RYR3: variants seen among roughly 807,000 people sequenced by gnomAD.
The protein encoded by RYR3 is ryanodine receptor 3, also known as brain ryanodine receptor-calcium release channel.
RYR3 carries 207 observed loss-of-function variants against 584.3 expected under a neutral mutation model. The observed-to-expected ratio is 0.35, with a 90% CI of 0.32 to 0.40. RYR3 has a LOEUF of 0.40. Ranked by LOEUF, RYR3 falls within the 10% of genes least tolerant of loss-of-function variation. The pLI is 1.00. For synonymous variants in RYR3, 2,416 were observed against 2,248.5 expected, an observed-to-expected ratio of 1.07 and a Z score of -2.11; for missense variants, 5,616 against 6,089.2, an observed-to-expected ratio of 0.92 and a Z score of 2.59.
At chr15:33,631,515 A>G (rs1322137768) in intron 23 of RYR3, among the ~76,000 whole-genome samples, 1 of 152,050 alleles carries the variant, frequency 6.6e-6, no homozygotes, top group African/African-American at 2.4e-5. Context: ...TGGACCTCAC[A>G]CTAATATTGT....
intron 3 of RYR3, among the ~76,000 whole-genome samples, chr15:33,514,817 C>T (rs1415123724): frequency 6.6e-6 from 1 of 151,766 alleles, no homozygotes; most frequent in Non-Finnish European, 1.5e-5. Flanking sequence ...CTGGTTAACA[C>T]GGTGAAACCC....
At chr15:33,431,325 T>TG (rs1236731064) in intron 1 of RYR3, among the ~76,000 whole-genome samples, 2 of 152,036 alleles carry the variant, frequency 1.3e-5, no homozygotes, top group African/African-American at 2.4e-5. Context: ...ATGCATTGAG[T>TG]GGGGAAAAAA....
chr15:33,524,247 T>G (rs997558770), intron 3 of RYR3, among the ~76,000 whole-genome samples: 1 of 152,204 alleles, frequency 6.6e-6, no homozygotes, highest in Non-Finnish European at 1.5e-5. Flanking sequence ...TTTCATAGGT[T>G]TCCTTATTCT....
intron 60 of RYR3, among the ~76,000 whole-genome samples, chr15:33,765,194 A>G (rs1402710567): frequency 1.3e-5 from 2 of 152,188 alleles, no homozygotes; most frequent in Non-Finnish European, 2.9e-5. Flanking sequence ...ATGTAGATAC[A>G]TTAACAGAAA....
At chr15:33,453,453 A>G (rs558074349) in intron 1 of RYR3, among the ~76,000 whole-genome samples, 82 of 152,280 alleles carry the variant, frequency 5.4e-4, no homozygotes, top group African/African-American at 1.9e-3. Context: ...TGCTTCCATG[A>G]TTGCCTGGGT....
At chr15:33,325,579 T>C (rs1202406901) in intron 1 of RYR3, among the ~76,000 whole-genome samples, 2 of 152,166 alleles carry the variant, frequency 1.3e-5, no homozygotes, top group African/African-American at 4.8e-5. Context: ...GGTCCTGAAT[T>C]CCCATAGGAT....
chr15:33,838,553 G>A lies in RYR3; in HGVS notation c.12573G>A (p.Leu4191=), dbSNP rs1369438766. The change falls in exon 89 of 104, where the codon CTG becomes CTA. Residue 4191 remains leucine, a synonymous_variant. Coordinates refer to ENST00000634891, the MANE Select transcript of RYR3 (RefSeq NM_001036.6). ...VKVLFSFFWM[L]FVGLFQLLFT... ...TGCTCTTCTCCTTTTTCTGGATGCT[G>A]TTCGTGGGGCTATTCCAGTTGCTCT... 1.9e-6 allele frequency: 3 copies of A among 1,613,806 alleles called. No individual in the cohort carries two copies. The highest frequency in any genetic ancestry group is 1.6e-4 in the Middle Eastern group (1 of 6,084).
chr15:33,533,542 G>T (rs910116292), intron 5 of RYR3, among the ~76,000 whole-genome samples, 153 bp downstream of exon 5: 1 of 152,122 alleles, frequency 6.6e-6, no homozygotes, highest in African/African-American at 2.4e-5. Context: ...ATGAACTAGA[G>T]AAAGAATGTG....
At chr15:33,396,902 A>G (rs1313140455) in intron 1 of RYR3, among the ~76,000 whole-genome samples, 1 of 152,202 alleles carries the variant, frequency 6.6e-6, no homozygotes, top group Non-Finnish European at 1.5e-5. Context: ...CAGAAGAGTA[A>G]TGCTTACATG....
intron 57 of RYR3, among the ~76,000 whole-genome samples, 200 bp downstream of exon 57, chr15:33,750,486 C>G (rs991544580): frequency 6.6e-6 from 1 of 152,154 alleles, no homozygotes; most frequent in Non-Finnish European, 1.5e-5. Flanking sequence ...TCAGTGACAA[C>G]AAAGAATTAT....
chr15:33,423,867 G>T (rs954136704), intron 1 of RYR3, among the ~76,000 whole-genome samples: 1 of 152,164 alleles, frequency 6.6e-6, no homozygotes, highest in Non-Finnish European at 1.5e-5. Context: ...GTTAAGGCTT[G>T]TCAGTTGAAG....
At position 33,731,634 on chromosome 15, in the gene RYR3, G is replaced by A. The variant is rs2068961140; in HGVS notation, c.7364G>A (p.Gly2455Glu). 3 of 1,613,790 alleles carry A rather than the reference G, an allele frequency of 1.9e-6. No homozygotes were observed. The highest frequency in any genetic ancestry group is 2.2e-5 in the South Asian group (2 of 91,048). Residue 2455 changes from glycine to glutamate, a missense_variant, in exon 48 of 104, where the codon GGA (glycine) becomes GAA (glutamate). Around this residue, in one of 9 missense-constraint regions of RYR3, gnomAD observed 1,280 missense variants for 1,426.2 expected, o/e 0.90. Transcript: ENST00000634891. Reference sequence around the variant, plus strand: ...CAGACAATATACAGGCTATCCAAGGGACGTTCCCTCACCAAAGCACAAAGG... The same window carrying A: ...CAGACAATATACAGGCTATCCAAGGAACGTTCCCTCACCAAAGCACAAAGG... ...TLQTIYRLSKGRSLTKAQRDT... is the reference protein window; with the variant it reads ...TLQTIYRLSKERSLTKAQRDT...
intron 5 of RYR3, among the ~76,000 whole-genome samples, chr15:33,534,216 C>CA (rs1451092889): frequency 6.6e-6 from 1 of 152,150 alleles, no homozygotes; most frequent in African/African-American, 2.4e-5. Context: ...GCTTGGCCGA[C>CA]ATGGTGAAAC....
chr15:33,685,395 A>G (rs2064922428), intron 38 of RYR3, among the ~76,000 whole-genome samples: 1 of 152,220 alleles, frequency 6.6e-6, no homozygotes, highest in Non-Finnish European at 1.5e-5. Context: ...AGAAGAGCTA[A>G]CTATCCTAAA....
At chr15:33,485,504 T>G (rs2572175) in intron 2 of RYR3, among the ~76,000 whole-genome samples, 1 of 152,004 alleles carries the variant, frequency 6.6e-6, no homozygotes, top group Non-Finnish European at 1.5e-5. Flanking sequence ...AAAGGCCTGG[T>G]GTTAAGAACA....
intron 12 of RYR3, among the ~76,000 whole-genome samples, chr15:33,575,808 G>A (rs1435154182): frequency 6.9e-6 from 1 of 145,882 alleles, no homozygotes; most frequent in African/African-American, 2.6e-5. Flanking sequence ...GCCCTTCAGA[G>A]CATCAACAAA....
chr15:33,556,083 A>G (rs2057046595), intron 10 of RYR3, among the ~76,000 whole-genome samples: 3 of 152,188 alleles, frequency 2.0e-5, no homozygotes, highest in African/African-American at 7.2e-5. Context: ...TCACCCCAGC[A>G]TCCATGAATG....
At chr15:33,758,559 C>T (rs1453496504) in intron 60 of RYR3, among the ~76,000 whole-genome samples, 2 of 152,170 alleles carry the variant, frequency 1.3e-5, no homozygotes, top group East Asian at 1.9e-4. Flanking sequence ...CGCACCACAG[C>T]ACGGCAAAGC....
At chr15:33,417,961 A>G (rs977454241) in intron 1 of RYR3, among the ~76,000 whole-genome samples, 1 of 151,990 alleles carries the variant, frequency 6.6e-6, no homozygotes, top group Non-Finnish European at 1.5e-5. Flanking sequence ...TTTTAATTCT[A>G]CTTATGTGGT....
Sources: gnomAD v4.1 joint callset for allele counts (sites outside exome capture counted in the v4.1 genomes callset) on GRCh38, gnomAD v4.1.1 for gene constraint, gnomAD v4.1.1 regional missense constraint, MANE v1.5 for transcripts, NCBI Gene and HGNC (gene_info 2026-07-23, HGNC 2026-07-21) for gene names.